The following OGN variants were observed in gnomAD, a reference collection of about 807,000 sequenced individuals.
OGN encodes the protein mimecan.
A neutral mutation model predicts 30.8 loss-of-function variants in OGN; 19 were observed. That is an observed-to-expected ratio of 0.62 (90% confidence interval 0.43 to 0.90). The LOEUF (loss-of-function observed/expected upper bound fraction) is 0.90, where lower values mean the gene tolerates loss of function less well. Ranked by LOEUF, OGN falls within the 40% of genes least tolerant of loss-of-function variation. OGN has a pLI of 0.00. For synonymous variants in OGN, 126 were observed against 128.3 expected (o/e 0.98, Z 0.12); for missense variants, 283 against 349.7 (o/e 0.81, Z 1.52).
intron 2 of OGN, 31 bp downstream of exon 2, chr9:92,403,203 A>G: frequency 6.9e-7 from 1 of 1,445,132 alleles, no homozygotes; most frequent in Non-Finnish European, 9.5e-7. Flanking sequence ...GCAGTATTTT[A>G]GAAGCTAAAT....
chr9:92,393,910 A>G (rs940729412), intron 3 of OGN, among the ~76,000 whole-genome samples: 4 of 152,144 alleles, frequency 2.6e-5, no homozygotes, highest in Admixed American at 6.6e-5. Flanking sequence ...CCAAAAGCAC[A>G]TGATATCTGT....
In OGN at chr9:92,383,735, C is replaced by G. The variant is rs1842324317; in HGVS notation, c.*1885G>C. 6.6e-6 allele frequency among the ~76,000 whole-genome samples: 1 copy of G among 151,978 alleles called. No homozygotes were observed. The stretch of plus-strand genomic sequence containing the variant: ...AAATCCCCAAATTATTTCTTTAATT[C>G]TGGAATTCATACCTTTTACCAATGT... On this transcript the variant is annotated 3_prime_UTR_variant, in exon 7 of 7. Coordinates refer to ENST00000375561, the MANE Select transcript of OGN (RefSeq NM_014057.5).
At chr9:92,386,078 G>A in intron 6 of OGN, 123 bp downstream of exon 6, 1 of 703,954 alleles carries the variant, frequency 1.4e-6, no homozygotes, top group Non-Finnish European at 2.4e-6. Context: ...CAGACATTTA[G>A]CTATCACGCT....
At chr9:92,404,454 TAACA>T in intron 1 of OGN, 38 bp downstream of exon 1, 1 of 1,215,632 alleles carries the variant, frequency 8.2e-7, no homozygotes, top group Non-Finnish European at 1.1e-6. Context: ...AGTCGCACTT[TAACA>T]AACAATATTT....
intron 3 of OGN, among the ~76,000 whole-genome samples, chr9:92,400,224 C>T (rs1377866698): frequency 6.6e-6 from 1 of 152,170 alleles, no homozygotes; most frequent in African/African-American, 2.4e-5. Flanking sequence ...GACCTCGGCT[C>T]ACCGCAACCT....
At chr9:92,400,012 C>G (rs564807712) in intron 3 of OGN, among the ~76,000 whole-genome samples, 2 of 152,132 alleles carry the variant, frequency 1.3e-5, no homozygotes, top group Non-Finnish European at 2.9e-5. Flanking sequence ...ATTCTAGAAT[C>G]TGGTTTTCCA....
In OGN at chr9:92,398,359, G is replaced by A. The variant is rs141702764; in HGVS notation, c.268+2733C>T. ...TTTGGTTTTTTGACTATACGAAACA[G>A]CATTGTTCTAAAAATTAAATCTACA... On this transcript the variant is annotated intron_variant, in intron 3 of 6. Transcript: ENST00000375561. Among the ~76,000 whole-genome samples the A allele has an allele frequency of 2.3e-3, 344 of 152,198 alleles. 2 individuals are homozygous for A. The highest frequency in any genetic ancestry group is 7.9e-3 in the African/African-American group (330 of 41,532).
intron 2 of OGN, 30 bp from the exon 3 acceptor site, chr9:92,401,215 G>T: frequency 1.1e-6 from 1 of 939,970 alleles, no homozygotes; most frequent in South Asian, 1.4e-5. Flanking sequence ...TTGTTACCTA[G>T]CTTCATTAAG....
intron 3 of OGN, 136 bp from the exon 4 acceptor site, chr9:92,393,380 A>G: frequency 1.6e-6 from 1 of 641,774 alleles, no homozygotes; most frequent in Non-Finnish European, 2.5e-6. Flanking sequence ...AAAGATAGTC[A>G]TGGTAACTCG....
At chr9:92,385,922 A>C (rs1477789285) in intron 6 of OGN, 132 bp from the exon 7 acceptor site, 1 of 798,150 alleles carries the variant, frequency 1.3e-6, no homozygotes, top group Non-Finnish European at 2.0e-6. Flanking sequence ...CAAATTAATT[A>C]GGAAATACTC....
intron 3 of OGN, among the ~76,000 whole-genome samples, chr9:92,397,114 C>T (rs748279674): frequency 6.6e-6 from 1 of 151,906 alleles, no homozygotes; most frequent in East Asian, 2.0e-4. Context: ...GAGGTCAAGA[C>T]TGCAGTGAGC....
chr9:92,394,640 C>T (rs1469052599), intron 3 of OGN, among the ~76,000 whole-genome samples: 15 of 151,384 alleles, frequency 9.9e-5, no homozygotes, highest in Non-Finnish European at 1.9e-4. Context: ...AGTCTCGCTT[C>T]GTCACCCAGG....
chr9:92,396,957 T>A (rs897112711), intron 3 of OGN, among the ~76,000 whole-genome samples: 2 of 151,822 alleles, frequency 1.3e-5, no homozygotes, highest in Admixed American at 6.6e-5. Context: ...AGGTGGATCA[T>A]TTGAGTCTAG....
At position 92,383,852 on chromosome 9, in the gene OGN, G is replaced by A. The variant is rs779808193; in HGVS notation, c.*1768C>T. On this transcript the variant is annotated 3_prime_UTR_variant, in exon 7 of 7. Transcript: ENST00000375561. ...TATTTGATGGTGTTTTGCTCCATAA[G>A]TTTTATCATAAAAATAATATAGGAA... 2.6e-5 allele frequency: 4 copies of A among 151,788 alleles called. No individual in the cohort carries two copies. The highest frequency in any genetic ancestry group is 5.9e-5 in the Non-Finnish European group (4 of 67,940). The allele number at this position is 151,788 out of a possible 1,614,324, so 9.4% of individuals were successfully genotyped here. A position where few individuals can be genotyped will look rare whatever the true frequency, so the allele number is the denominator to read the frequency against.
intron 3 of OGN, among the ~76,000 whole-genome samples, chr9:92,394,458 G>T (rs1217926741): frequency 1.4e-5 from 2 of 143,172 alleles, no homozygotes; most frequent in South Asian, 2.2e-4. Flanking sequence ...TCACCATGTT[G>T]GCCAGGCTGG....
intron 3 of OGN, among the ~76,000 whole-genome samples, chr9:92,395,277 T>C (rs1426692197): frequency 1.3e-5 from 2 of 152,192 alleles, no homozygotes; most frequent in East Asian, 3.8e-4. Context: ...GAATTTTATA[T>C]TAAAAGAATC....
rs1420573372 is a variant in OGN at position 92,390,013 on chromosome 9, A to T, written c.471T>A (p.Asp157Glu). ...RLDFTGNLIEDIEDGTFSKLS... is the reference protein window; with the variant it reads ...RLDFTGNLIEEIEDGTFSKLS... ...GTTTTGAAAAAGTACCATCTTCTAT[A>T]TCTTCTATCAAATTTCCTGTAAAAT... is the stretch of plus-strand genomic sequence containing the variant. Residue 157 changes from aspartate to glutamate, a missense_variant, in exon 5 of 7, where the codon GAT becomes GAA. Physicochemically the swap from Asp to Glu is conservative, Grantham distance 45. Coordinates refer to ENST00000375561, the MANE Select transcript of OGN (RefSeq NM_014057.5). The T allele has an allele frequency of 1.9e-6, 3 of 1,607,648 alleles. No individual in the cohort carries two copies. In the African/African-American group the frequency reaches 4.0e-5, roughly 22 times the overall value.
intron 4 of OGN, among the ~76,000 whole-genome samples, chr9:92,390,410 A>G (rs1842622496): frequency 6.6e-6 from 1 of 152,222 alleles, no homozygotes; most frequent in Non-Finnish European, 1.5e-5. Context: ...GATTGGAATC[A>G]TGTAATTTTT....
chr9:92,390,587 T>TGTGTGTGTGTGTGCGCGC lies in OGN; in HGVS notation c.428-532_428-531insGCGCGCACACACACACAC, dbSNP rs749697394. On this transcript the variant is annotated intron_variant, in intron 4 of 6. Transcript: ENST00000375561. ...CAGTGTGTGTGTGTGTGTGTGTGTG[T>TGTGTGTGTGTGTGCGCGC]GCGCGCGCGCGTACTTGCGTGTGCA... is the stretch of plus-strand genomic sequence containing the variant. Among the ~76,000 whole-genome samples the TGTGTGTGTGTGTGCGCGC allele has an allele frequency of 5.2e-3, 744 of 141,870 alleles. 3 individuals are homozygous for TGTGTGTGTGTGTGCGCGC. Among genetic ancestry groups the TGTGTGTGTGTGTGCGCGC allele is most frequent in the Non-Finnish European group, 8.0e-3 (504 of 63,226 alleles). The allele number at this position is 141,870 out of a possible 152,430, so 93.1% of individuals were successfully genotyped here.
Sources: gnomAD v4.1 joint callset for allele counts (sites outside exome capture counted in the v4.1 genomes callset) on GRCh38, gnomAD v4.1.1 for gene constraint, MANE v1.5 for transcripts, NCBI Gene and HGNC (gene_info 2026-07-23, HGNC 2026-07-21) for gene names.